Variants in IREB2 observed in about 807,000 individuals in gnomAD.
IREB2 encodes the protein iron responsive element binding protein 2, also known as iron-responsive element-binding protein 2.
A neutral mutation model predicts 118.8 loss-of-function variants in IREB2; 39 were observed. The observed-to-expected ratio is 0.33, with a 90% CI of 0.25 to 0.43. The LOEUF (loss-of-function observed/expected upper bound fraction) is 0.43. IREB2 is among the 20% of genes least tolerant of loss of function. The pLI, the probability that IREB2 is intolerant of heterozygous loss-of-function variation, is 1.00. For missense variants in IREB2, 900 were observed against 1,147.3 expected, an observed-to-expected ratio of 0.78 and a Z score of 3.11; for synonymous variants, 372 against 392.2, an observed-to-expected ratio of 0.95 and a Z score of 0.61.
chr15:78,457,697 T>C (rs750910713), intron 2 of IREB2, among the ~76,000 whole-genome samples: 1 of 152,138 alleles, frequency 6.6e-6, no homozygotes, highest in Non-Finnish European at 1.5e-5. Flanking sequence ...CAGTCATCCA[T>C]CTAGTAATAC....
chr15:78,439,020 C>T (rs757318355), intron 1 of IREB2, among the ~76,000 whole-genome samples: 17 of 152,262 alleles, frequency 1.1e-4, no homozygotes, highest in Non-Finnish European at 1.6e-4. Context: ...AGGGTCCTGG[C>T]CACCCACCGC....
intron 2 of IREB2, among the ~76,000 whole-genome samples, chr15:78,456,651 G>A (rs1396895281): frequency 6.7e-6 from 1 of 149,360 alleles, no homozygotes; most frequent in Non-Finnish European, 1.5e-5. Flanking sequence ...GGGTGACAGA[G>A]CAAGTCCTTA....
rs1194170131 is a variant in IREB2 at position 78,438,465 on chromosome 15, T to C, written c.19+109T>C. 3 of 1,277,480 alleles carry C rather than the reference T, an allele frequency of 2.3e-6. No homozygotes were observed. In the African/African-American group the frequency reaches 4.4e-5, roughly 19 times the overall value. The allele number at this position is 1,277,480 out of a possible 1,614,324, so 79.1% of individuals were successfully genotyped here. On this transcript the variant is annotated intron_variant, in intron 1 of 21. Coordinates refer to ENST00000258886, the MANE Select transcript of IREB2 (RefSeq NM_004136.4). ...AGTCGCTCGGCAGGCGCCCAGGCCCTCGGGGCTCGGGTTGTGCTCCCCTCG... is the reference window on the plus strand; with the variant it reads ...AGTCGCTCGGCAGGCGCCCAGGCCCCCGGGGCTCGGGTTGTGCTCCCCTCG...
upstream of IREB2, chr15:78,438,155 G>A (rs1412863605): frequency 1.4e-5 from 8 of 573,804 alleles, no homozygotes; most frequent in Non-Finnish European, 2.6e-5. Flanking sequence ...GCGGGAGTTA[G>A]GCGACAAATC....
intron 20 of IREB2, 94 bp from the exon 21 acceptor site, chr15:78,497,032 A>G (rs1449182013): frequency 2.4e-6 from 2 of 836,656 alleles, no homozygotes; most frequent in East Asian, 2.5e-5. Flanking sequence ...AAAAGTATTT[A>G]GAGAAAGGCC....
chr15:78,441,745 G>C (rs555580530), intron 2 of IREB2, among the ~76,000 whole-genome samples: 1 of 152,274 alleles, frequency 6.6e-6, no homozygotes, highest in East Asian at 1.9e-4. Context: ...GTACATAACT[G>C]TACAGAGTAC....
At chr15:78,453,599 A>T (rs1886718986) in intron 2 of IREB2, among the ~76,000 whole-genome samples, 1 of 152,226 alleles carries the variant, frequency 6.6e-6, no homozygotes, top group African/African-American at 2.4e-5. Flanking sequence ...ACTCCTATAG[A>T]GAAGTTATCA....
intron 6 of IREB2, 89 bp downstream of exon 6, chr15:78,470,690 T>C: frequency 1.6e-5 from 1 of 63,936 alleles, no homozygotes; most frequent in Non-Finnish European, 3.1e-5. Flanking sequence ...TTTCTTTTCC[T>C]TTTTTTTTTT....
intron 15 of IREB2, 59 bp downstream of exon 15, chr15:78,488,395 A>G (rs2051694893): frequency 1.4e-6 from 2 of 1,382,492 alleles, no homozygotes; most frequent in East Asian, 2.4e-5. Context: ...GGAAGTCGTT[A>G]TATTTTTGAA....
At chr15:78,446,521 T>C (rs1018843948) in intron 2 of IREB2, among the ~76,000 whole-genome samples, 4 of 152,174 alleles carry the variant, frequency 2.6e-5, no homozygotes, top group East Asian at 1.9e-4. Context: ...TTATTTTCTC[T>C]TAGGAGCTTC....
chr15:78,464,666 A>T (rs1334029598), intron 3 of IREB2, among the ~76,000 whole-genome samples: 1 of 152,130 alleles, frequency 6.6e-6, no homozygotes, highest in Non-Finnish European at 1.5e-5. Context: ...TCACTGCAGC[A>T]TCGACCTCCT....
At position 78,485,712 on chromosome 15, in the gene IREB2, G is replaced by A; in HGVS notation, c.1581G>A (p.Leu527=). Residue 527 remains leucine (L), a synonymous_variant, in exon 13 of 22, where the codon TTG becomes TTA. Coordinates refer to ENST00000258886, the MANE Select transcript of IREB2 (RefSeq NM_004136.4). ...TGTTTGTTGGCTGTGCAGGTCTTTT[G>A]GCTAAAAAGGCTGTTGAAGCTGGTC... The part of the protein sequence containing the change: ...NPSVMLAAGL[L]AKKAVEAGLR... 6.2e-7 allele frequency: 1 copy of A among 1,613,060 alleles called. No individual in the cohort carries two copies. The highest frequency in any genetic ancestry group is 2.2e-5 in the East Asian group (1 of 44,810).
intron 21 of IREB2, 57 bp from the exon 22 acceptor site, chr15:78,497,976 T>A (rs961374908): frequency 7.5e-6 from 7 of 935,354 alleles, no homozygotes; most frequent in African/African-American, 1.6e-5. Flanking sequence ...GTCTTAACCA[T>A]CAAGTAGCAC....
chr15:78,448,380 T>C (rs1490829295), intron 2 of IREB2, among the ~76,000 whole-genome samples: 2 of 152,080 alleles, frequency 1.3e-5, no homozygotes, highest in East Asian at 1.9e-4. Flanking sequence ...CCTGGCCTCA[T>C]GTGATCTCCC....
intron 20 of IREB2, among the ~76,000 whole-genome samples, chr15:78,495,091 A>T (rs2051818525): frequency 6.6e-6 from 1 of 152,168 alleles, no homozygotes. Context: ...GTCATGTGAC[A>T]TGTGCTTTTT....
intron 20 of IREB2, among the ~76,000 whole-genome samples, chr15:78,494,473 G>T (rs1309443935): frequency 6.6e-6 from 1 of 152,100 alleles, no homozygotes; most frequent in Non-Finnish European, 1.5e-5. Flanking sequence ...TCTGAGTTTG[G>T]TAAAACCTAC....
At chr15:78,437,978 A>G (rs1479044823), upstream of IREB2, among the ~76,000 whole-genome samples, 1 of 152,358 alleles carries the variant, frequency 6.6e-6, no homozygotes, top group East Asian at 1.9e-4. Flanking sequence ...TAAGGCCGCA[A>G]CTAAGTAACG....
intron 21 of IREB2, 116 bp from the exon 22 acceptor site, chr15:78,497,917 A>G (rs2051864891): frequency 1.7e-6 from 1 of 598,192 alleles, no homozygotes; most frequent in African/African-American, 1.9e-5. Flanking sequence ...ACCAAGATAA[A>G]TCAGACAGAA....
intron 2 of IREB2, among the ~76,000 whole-genome samples, chr15:78,452,551 T>G (rs2051042946): frequency 6.6e-6 from 1 of 151,890 alleles, no homozygotes; most frequent in Non-Finnish European, 1.5e-5. Flanking sequence ...ACTCCTACAT[T>G]TAGATATCAG....
Sources: allele counts gnomAD v4.1 joint callset (sites outside exome capture counted in the v4.1 genomes callset), GRCh38; gene constraint gnomAD v4.1.1; transcripts MANE v1.5; gene names NCBI Gene and HGNC (gene_info 2026-07-23, HGNC 2026-07-21).